The following GPC5 variants were observed in gnomAD, a reference collection of about 807,000 sequenced individuals.
GPC5 encodes the protein glypican-5.
Under a neutral mutation model 53.9 loss-of-function variants are expected in GPC5, and 47 were observed. The ratio of observed to expected loss-of-function variants is 0.87; its 90% CI spans 0.69 to 1.11. The LOEUF (loss-of-function observed/expected upper bound fraction) is 1.11. Among genes scored for constraint, GPC5 ranks in the 50% most tolerant of loss-of-function variants. GPC5 has a pLI of 0.00. For missense variants in GPC5, 748 were observed against 713.1 expected (o/e 1.05, Z -0.56); for synonymous variants, 286 against 263.3 (o/e 1.09, Z -0.84).
At chr13:91,597,914 T>C (rs2033050440) in intron 2 of GPC5, among the ~76,000 whole-genome samples, 1 of 70,940 alleles carries the variant, frequency 1.4e-5, no homozygotes, top group Admixed American at 2.2e-4. Flanking sequence ...ATGTTTTCTA[T>C]TGAGTTTGTA....
rs188374343 is a variant in GPC5, at chr13:91,603,145, C to T, written c.326-90042C>T. ...GAGGACTATGACTGGCCATGTATTA[C>T]TGGAGCCAGAGGGCATTTCTAGTTC... On this transcript the variant is annotated intron_variant, in intron 2 of 7. Coordinates refer to ENST00000377067, the MANE Select transcript of GPC5 (RefSeq NM_004466.6). Among the ~76,000 whole-genome samples the T allele has an allele frequency of 8.5e-5, 13 of 152,312 alleles. No homozygotes were observed. In the East Asian group the frequency reaches 2.5e-3, roughly 29 times the overall value.
At chr13:92,330,822 C>T (rs1040894717) in intron 7 of GPC5, among the ~76,000 whole-genome samples, 2 of 152,028 alleles carry the variant, frequency 1.3e-5, no homozygotes, top group African/African-American at 4.8e-5. Context: ...CATGGTGGAG[C>T]CGAGGTCAAC....
intron 7 of GPC5, among the ~76,000 whole-genome samples, chr13:92,712,462 AAC>A (rs1208413858): frequency 0.093 from 1,055 of 11,304 alleles, 34 homozygotes; most frequent in East Asian, 0.47. Context: ...CAAACAAACA[AAC>A]AAAAAAAAAA....
chr13:91,814,001 C>G (rs747116301), intron 5 of GPC5, among the ~76,000 whole-genome samples: 5 of 134,360 alleles, frequency 3.7e-5, no homozygotes, highest in Non-Finnish European at 6.1e-5. Context: ...GGCGTGATCT[C>G]GGCTCACTGC....
chr13:91,536,711 G>A (rs943961696), intron 2 of GPC5, among the ~76,000 whole-genome samples: 1 of 152,090 alleles, frequency 6.6e-6, no homozygotes, highest in African/African-American at 2.4e-5. Context: ...CATCAGTCAC[G>A]CTGGACTAGG....
chr13:91,709,856 A>G (rs1031858770), intron 3 of GPC5, among the ~76,000 whole-genome samples: 15 of 152,280 alleles, frequency 9.9e-5, no homozygotes, highest in African/African-American at 3.4e-4. Flanking sequence ...GACCACAGCA[A>G]TTGTCTCCAA....
chr13:92,665,514 C>T (rs2139195321), intron 7 of GPC5, among the ~76,000 whole-genome samples: 1 of 152,166 alleles, frequency 6.6e-6, no homozygotes, highest in South Asian at 2.1e-4. Context: ...TGGAAAAGAC[C>T]TCGGCCATTA....
chr13:91,769,264 A>T (rs1331151743), intron 5 of GPC5, among the ~76,000 whole-genome samples: 3 of 152,188 alleles, frequency 2.0e-5, no homozygotes, highest in Non-Finnish European at 2.9e-5. Context: ...GGAGGCTAAG[A>T]TGCTTTACTC....
intron 5 of GPC5, among the ~76,000 whole-genome samples, chr13:91,772,911 C>T (rs1364231402): frequency 1.3e-5 from 2 of 151,996 alleles, no homozygotes; most frequent in Non-Finnish European, 2.9e-5. Flanking sequence ...ATCACAATTA[C>T]TTTTTTGGGT....
At chr13:91,413,136 C>A (rs1401507410) in intron 1 of GPC5, among the ~76,000 whole-genome samples, 1 of 152,128 alleles carries the variant, frequency 6.6e-6, no homozygotes, top group Admixed American at 6.6e-5. Context: ...AAAAAATCAA[C>A]CAGGTGTAGT....
At chr13:91,533,985 T>A (rs1886467971) in intron 2 of GPC5, among the ~76,000 whole-genome samples, 5 of 152,192 alleles carry the variant, frequency 3.3e-5, no homozygotes, top group Admixed American at 3.3e-4. Context: ...TTTTAGCTGC[T>A]CCCCTCTGAG....
At chr13:92,031,160 G>A (rs114587036) in intron 6 of GPC5, among the ~76,000 whole-genome samples, 2 of 152,012 alleles carry the variant, frequency 1.3e-5, no homozygotes, top group Non-Finnish European at 2.9e-5. Context: ...AGGTTCATGT[G>A]CCTTACTCAG....
At chr13:92,487,855 A>AG (rs1555338270) in intron 7 of GPC5, among the ~76,000 whole-genome samples, 42,684 of 145,986 alleles carry the variant, frequency 0.29, 7,477 homozygotes, top group African/African-American at 0.48. Flanking sequence ...AAAAAAAAAA[A>AG]AAAAAGAAAG....
intron 6 of GPC5, among the ~76,000 whole-genome samples, chr13:92,024,633 T>C (rs1319091980): frequency 6.6e-6 from 1 of 152,154 alleles, no homozygotes; most frequent in African/African-American, 2.4e-5. Flanking sequence ...TTGCCTCAGG[T>C]AAAATGTTCC....
chr13:91,915,491 G>T (rs1362176942), intron 6 of GPC5, among the ~76,000 whole-genome samples: 1 of 152,022 alleles, frequency 6.6e-6, no homozygotes, highest in Admixed American at 6.6e-5. Context: ...GTATGTAATT[G>T]TTTTGTGTTG....
At chr13:92,455,727 GT>G (rs1878239992) in intron 7 of GPC5, among the ~76,000 whole-genome samples, 1 of 152,102 alleles carries the variant, frequency 6.6e-6, no homozygotes, top group Non-Finnish European at 1.5e-5. Context: ...TTAAAATTAT[GT>G]TTTAAAGTTC....
At position 91,828,541 on chromosome 13, in the gene GPC5, TGAG is replaced by T. The variant is rs1252632245; in HGVS notation, c.1280+72124_1280+72126del. Among the ~76,000 whole-genome samples, 5 of 152,056 alleles carry T rather than the reference TGAG, an allele frequency of 3.3e-5. No individual in the cohort carries two copies. The East Asian group carries it at 9.6e-4, about 29-fold the overall frequency. ...AAATATCATTCTCCAATAAAAATAA[TGAG>T]GACTCCTTGGATAAATGGATGGTTC... On this transcript the variant is annotated intron_variant, in intron 5 of 7. Coordinates refer to ENST00000377067, the MANE Select transcript of GPC5 (RefSeq NM_004466.6).
At chr13:91,866,096 G>A (rs1243882323) in intron 5 of GPC5, among the ~76,000 whole-genome samples, 6 of 152,066 alleles carry the variant, frequency 3.9e-5, no homozygotes, top group East Asian at 1.9e-4. Flanking sequence ...TCGAACTCCC[G>A]ACCTCAGCTG....
At chr13:92,521,779 G>A (rs966375715) in intron 7 of GPC5, among the ~76,000 whole-genome samples, 5 of 152,142 alleles carry the variant, frequency 3.3e-5, no homozygotes, top group Admixed American at 3.3e-4. Flanking sequence ...TGAGAAATGG[G>A]ATCTAATTAA....
Sources: gnomAD v4.1 joint callset for allele counts (sites outside exome capture counted in the v4.1 genomes callset) on GRCh38, gnomAD v4.1.1 for gene constraint, MANE v1.5 for transcripts, NCBI Gene and HGNC (gene_info 2026-07-23, HGNC 2026-07-21) for gene names.